The following PRMT3 variants were observed in gnomAD, a reference collection of about 807,000 sequenced individuals.
PRMT3 encodes protein arginine methyltransferase 3, also known as protein arginine N-methyltransferase 3.
Under a neutral mutation model 71.9 loss-of-function variants are expected in PRMT3, and 62 were observed. The ratio of observed to expected loss-of-function variants is 0.86; its 90% CI spans 0.70 to 1.07. The LOEUF is 1.07. Among genes scored for constraint, PRMT3 ranks in the 50% least tolerant of loss-of-function variants. The probability of loss-of-function intolerance (pLI) is 0.00; values close to 1 mark genes in which losing one functional copy is unlikely to be tolerated. For missense variants in PRMT3, 663 were observed against 643.0 expected (o/e 1.03, Z -0.34); for synonymous variants, 213 against 220.4 (o/e 0.97, Z 0.30).
chr11:20,475,327 G>GCTTTTCTT (rs982964278), intron 13 of PRMT3, among the ~76,000 whole-genome samples: 2 of 152,172 alleles, frequency 1.3e-5, no homozygotes, highest in Non-Finnish European at 2.9e-5. Context: ...ACCCCACCCT[G>GCTTTTCTT]CTTTTCTTCT....
intron 7 of PRMT3, among the ~76,000 whole-genome samples, chr11:20,398,685 A>G (rs557138059): frequency 6.6e-6 from 1 of 152,236 alleles, no homozygotes; most frequent in South Asian, 2.1e-4. Context: ...TACCTTTTCT[A>G]TCTTTAGATA....
intron 13 of PRMT3, among the ~76,000 whole-genome samples, chr11:20,477,073 G>A (rs944089039): frequency 2.0e-5 from 3 of 152,096 alleles, no homozygotes; most frequent in Non-Finnish European, 4.4e-5. Flanking sequence ...CAAGTTCTTG[G>A]GAAGACCATC....
chr11:20,411,510 G>A (rs1849191759), intron 9 of PRMT3, among the ~76,000 whole-genome samples: 1 of 152,074 alleles, frequency 6.6e-6, no homozygotes, highest in Non-Finnish European at 1.5e-5. Context: ...CTTTGCTTGA[G>A]TGTCAGATGT....
At chr11:20,398,634 T>G (rs537247110) in intron 7 of PRMT3, among the ~76,000 whole-genome samples, 1 of 152,350 alleles carries the variant, frequency 6.6e-6, no homozygotes, top group African/African-American at 2.4e-5. Flanking sequence ...TTGTATTTTT[T>G]AGTAGAGACG....
At chr11:20,446,009 C>T (rs548370740) in intron 10 of PRMT3, among the ~76,000 whole-genome samples, 1 of 152,188 alleles carries the variant, frequency 6.6e-6, no homozygotes, top group African/African-American at 2.4e-5. Context: ...TGGATCATTT[C>T]CAGTTTATTA....
At chr11:20,434,792 G>A (rs1849727108) in intron 10 of PRMT3, among the ~76,000 whole-genome samples, 1 of 152,144 alleles carries the variant, frequency 6.6e-6, no homozygotes, top group Non-Finnish European at 1.5e-5. Context: ...TAGCCCTGTG[G>A]TATAGTTTGA....
intron 6 of PRMT3, among the ~76,000 whole-genome samples, chr11:20,396,361 G>A (rs968891239): frequency 2.0e-5 from 3 of 152,120 alleles, no homozygotes; most frequent in Non-Finnish European, 2.9e-5. Context: ...AATGTAGGCC[G>A]GGTGCGGTGG....
chr11:20,431,220 A>G (rs1018081078), intron 10 of PRMT3, among the ~76,000 whole-genome samples: 1 of 152,154 alleles, frequency 6.6e-6, no homozygotes, highest in East Asian at 1.9e-4. Context: ...TTTATGTACA[A>G]TACATGAAGG....
Position 20,397,566 on chromosome 11 carries a change from A to G in PRMT3, c.561-11A>G. ...AACCTGTCTCAAGGGTGTATTTCAA[A>G]TTGATTACAGACAATTTGCTCAGGA... is the stretch of plus-strand genomic sequence containing the variant. On this transcript the variant is annotated splice_polypyrimidine_tract_variant and intron_variant, in intron 6 of 15. Transcript: ENST00000331079. 2.5e-6 allele frequency: 4 copies of G among 1,613,718 alleles called. No homozygotes were observed. Among genetic ancestry groups the G allele is most frequent in the Non-Finnish European group, 3.4e-6 (4 of 1,179,820 alleles).
chr11:20,486,173 G>A (rs1429285475), intron 13 of PRMT3, among the ~76,000 whole-genome samples: 3 of 152,144 alleles, frequency 2.0e-5, no homozygotes, highest in African/African-American at 7.2e-5. Flanking sequence ...CACAGACTGG[G>A]CAAGAAGAGA....
At chr11:20,431,410 T>G (rs1214561808) in intron 10 of PRMT3, among the ~76,000 whole-genome samples, 2 of 152,162 alleles carry the variant, frequency 1.3e-5, no homozygotes, top group African/African-American at 4.8e-5. Context: ...TGCAAATTTC[T>G]TAGAACAGTT....
intron 12 of PRMT3, 47 bp from the exon 13 acceptor site, chr11:20,464,413 T>TTGG: frequency 6.5e-7 from 1 of 1,529,244 alleles, no homozygotes; most frequent in Admixed American, 2.3e-5. Flanking sequence ...TTTTTTTTTT[T>TTGG]GGACTATTTT....
At chr11:20,421,163 G>C (rs75094212) in intron 9 of PRMT3, among the ~76,000 whole-genome samples, 1 of 152,030 alleles carries the variant, frequency 6.6e-6, no homozygotes, top group African/African-American at 2.4e-5. Flanking sequence ...CTTGCTTCTC[G>C]AGTAGCCGGG....
intron 10 of PRMT3, among the ~76,000 whole-genome samples, chr11:20,443,726 A>G (rs191558061): frequency 1.8e-4 from 27 of 152,294 alleles, no homozygotes; most frequent in African/African-American, 6.5e-4. Flanking sequence ...TTCCTTTGAT[A>G]GACTTGCTTA....
intron 10 of PRMT3, among the ~76,000 whole-genome samples, chr11:20,446,195 T>G (rs1455105765): frequency 6.6e-6 from 1 of 152,114 alleles, no homozygotes; most frequent in Non-Finnish European, 1.5e-5. Flanking sequence ...ATTTCATACC[T>G]CCATAGACTT....
At chr11:20,411,909 A>G (rs1849201635) in intron 9 of PRMT3, among the ~76,000 whole-genome samples, 1 of 152,176 alleles carries the variant, frequency 6.6e-6, no homozygotes, top group Admixed American at 6.5e-5. Context: ...TGACTTTGTG[A>G]TAATGGATTT....
At chr11:20,411,547 A>T (rs1040767478) in intron 9 of PRMT3, among the ~76,000 whole-genome samples, 12 of 152,096 alleles carry the variant, frequency 7.9e-5, no homozygotes, top group African/African-American at 2.9e-4. Context: ...CATAGATAAG[A>T]AGTGCAGTGA....
chr11:20,473,191 C>A (rs906316138), intron 13 of PRMT3, among the ~76,000 whole-genome samples: 7 of 151,916 alleles, frequency 4.6e-5, no homozygotes, highest in African/African-American at 1.5e-4. Flanking sequence ...CTCCTGGATT[C>A]TTTGATGTTT....
intron 5 of PRMT3, among the ~76,000 whole-genome samples, chr11:20,394,519 A>C (rs558475374): frequency 6.6e-6 from 1 of 152,078 alleles, no homozygotes; most frequent in Non-Finnish European, 1.5e-5. Context: ...CAATGTGATG[A>C]TTTGATATGC....
Sources: allele counts gnomAD v4.1 joint callset (sites outside exome capture counted in the v4.1 genomes callset), GRCh38; gene constraint gnomAD v4.1.1; transcripts MANE v1.5; gene names NCBI Gene and HGNC (gene_info 2026-07-23, HGNC 2026-07-21).